The following FAM185A variants were observed in gnomAD, a reference collection of about 807,000 sequenced individuals.
FAM185A encodes protein FAM185A.
In FAM185A, 21 loss-of-function variants were observed where a neutral mutation model predicts 45.7. The observed-to-expected ratio is 0.46, with a 90% CI of 0.33 to 0.66. The LOEUF is 0.66. FAM185A is among the 30% of genes least tolerant of loss of function. FAM185A has a pLI of 0.03. For missense variants in FAM185A, 305 were observed against 485.4 expected, an observed-to-expected ratio of 0.63 and a Z score of 3.49; for synonymous variants, 117 against 194.0, an observed-to-expected ratio of 0.60 and a Z score of 3.30.
At chr7:102,752,462 GGGTTTCACCATGTT>G (rs1480937962) in intron 2 of FAM185A, among the ~76,000 whole-genome samples, 1 of 151,962 alleles carries the variant, frequency 6.6e-6, no homozygotes, top group Non-Finnish European at 1.5e-5. Context: ...AGTAGAGACA[GGGTTTCACCATGTT>G]GGCCAGGCTG....
chr7:102,839,994 T>C, the FAM185A span, among the ~76,000 whole-genome samples: 1 of 152,172 alleles, frequency 6.6e-6, no homozygotes. Flanking sequence ...ACACCTTTGG[T>C]TGCCAGTAAA....
chr7:102,767,678 A>T (rs1794495325), intron 4 of FAM185A, among the ~76,000 whole-genome samples: 1 of 151,966 alleles, frequency 6.6e-6, no homozygotes, highest in Non-Finnish European at 1.5e-5. Context: ...AAATCTGATT[A>T]TTCAAATCTA....
At chr7:102,820,212 G>C in the FAM185A span, among the ~76,000 whole-genome samples, 1 of 152,236 alleles carries the variant, frequency 6.6e-6, no homozygotes, top group Non-Finnish European at 1.5e-5. Context: ...CTAAAAGGTA[G>C]TGGTGTGGCC....
intron 4 of FAM185A, among the ~76,000 whole-genome samples, chr7:102,766,187 T>C (rs1217792457): frequency 6.6e-6 from 1 of 152,290 alleles, no homozygotes; most frequent in Non-Finnish European, 1.5e-5. Flanking sequence ...AGAGTGTTCA[T>C]GTTACTTGTT....
chr7:102,826,747 A>ATATATATATATG, the FAM185A span, among the ~76,000 whole-genome samples: 2 of 87,786 alleles, frequency 2.3e-5, no homozygotes, highest in Admixed American at 1.3e-4. Flanking sequence ...ATATATATAT[A>ATATATATATATG]TATATATATA....
At chr7:102,770,473 T>G (rs1305270735) in intron 4 of FAM185A, among the ~76,000 whole-genome samples, 1 of 146,952 alleles carries the variant, frequency 6.8e-6, no homozygotes, top group East Asian at 2.0e-4. Context: ...CTTTGTTCCT[T>G]TGAATCTTCA....
chr7:102,772,070 T>C (rs1269755875), intron 4 of FAM185A, among the ~76,000 whole-genome samples: 1 of 143,180 alleles, frequency 7.0e-6, no homozygotes, highest in Non-Finnish European at 1.5e-5. Context: ...ATAAATACAT[T>C]GATATTTAGG....
downstream of FAM185A, chr7:102,813,318 G>A: frequency 6.4e-7 from 1 of 1,563,990 alleles, no homozygotes; most frequent in Non-Finnish European, 8.6e-7. Context: ...TTGATTTTTT[G>A]TTCTTCCTGC....
intron 6 of FAM185A, among the ~76,000 whole-genome samples, chr7:102,784,349 C>T (rs576141323): frequency 6.6e-6 from 1 of 151,946 alleles, no homozygotes; most frequent in East Asian, 1.9e-4. Context: ...CCAGCATCAT[C>T]CTGATACCAA....
In FAM185A at chr7:102,801,319, T is replaced by A. The variant is rs192214755; in HGVS notation, c.1067-6971T>A. Among the ~76,000 whole-genome samples, 1,025 of 145,324 alleles carry A rather than the reference T, an allele frequency of 7.1e-3. 26 individuals are homozygous for A. Among genetic ancestry groups the A allele is most frequent in the Admixed American group, 0.043 (625 of 14,614 alleles). ...GGACCTATAAAACAAAAATACAATT[T>A]AAAAAAAAAACAAAAAAACAAAGTA... On this transcript the variant is annotated intron_variant, in intron 7 of 7. Transcript: ENST00000413034.
chr7:102,834,890 G>A, the FAM185A span, among the ~76,000 whole-genome samples: 1 of 148,204 alleles, frequency 6.7e-6, no homozygotes, highest in Admixed American at 6.7e-5. Context: ...GTGTGTGTGT[G>A]TGTGTGTGTG....
intron 7 of FAM185A, among the ~76,000 whole-genome samples, chr7:102,789,748 GTAA>G (rs1287176146): frequency 6.6e-6 from 1 of 152,244 alleles, no homozygotes; most frequent in African/African-American, 2.4e-5. Context: ...TGACTCTTTT[GTAA>G]TAATACTTAG....
the FAM185A span, among the ~76,000 whole-genome samples, chr7:102,834,094 GAA>G: frequency 5.6e-4 from 49 of 86,740 alleles, 1 homozygote; most frequent in African/African-American, 2.3e-3. Context: ...AGAAAAGAAA[GAA>G]AGAAAGAAAG....
chr7:102,835,615 T>TG, the FAM185A span, among the ~76,000 whole-genome samples: 2 of 92,466 alleles, frequency 2.2e-5, no homozygotes, highest in Non-Finnish European at 4.8e-5. Flanking sequence ...TTTTTTTTTT[T>TG]TTTTTTTTTT....
At chr7:102,819,458 A>G in the FAM185A span, among the ~76,000 whole-genome samples, 147 of 152,046 alleles carry the variant, frequency 9.7e-4, no homozygotes, top group African/African-American at 3.0e-3. Flanking sequence ...AAAGTTTGCT[A>G]CTCCTCTGGT....
intron 7 of FAM185A, among the ~76,000 whole-genome samples, chr7:102,791,420 A>T (rs1302614220): frequency 6.6e-6 from 1 of 152,278 alleles, no homozygotes; most frequent in Non-Finnish European, 1.5e-5. Flanking sequence ...TTTTGCTTGA[A>T]TATAAAGACG....
intron 4 of FAM185A, among the ~76,000 whole-genome samples, chr7:102,762,304 T>C (rs908003022): frequency 6.6e-6 from 1 of 152,198 alleles, no homozygotes; most frequent in African/African-American, 2.4e-5. Flanking sequence ...AATAAGAGTA[T>C]AATGATGAGG....
chr7:102,818,796 A>G, the FAM185A span, among the ~76,000 whole-genome samples: 2 of 152,204 alleles, frequency 1.3e-5, no homozygotes, highest in African/African-American at 2.4e-5. Context: ...ATTTATTTCC[A>G]ACTTTTATTT....
At chr7:102,819,339 G>T in the FAM185A span, among the ~76,000 whole-genome samples, 1 of 151,984 alleles carries the variant, frequency 6.6e-6, no homozygotes, top group Non-Finnish European at 1.5e-5. Flanking sequence ...GGTGCTTCTG[G>T]GGTCACTTCC....
Sources: gnomAD v4.1 joint callset for allele counts (sites outside exome capture counted in the v4.1 genomes callset) on GRCh38, gnomAD v4.1.1 for gene constraint, MANE v1.5 for transcripts, NCBI Gene and HGNC (gene_info 2026-07-23, HGNC 2026-07-21) for gene names.